Variants in NTRK3 observed in about 807,000 individuals in gnomAD.
NTRK3 encodes the protein neurotrophic receptor tyrosine kinase 3.
In NTRK3, 24 loss-of-function variants were observed where a neutral mutation model predicts 91.7. That is an observed-to-expected ratio of 0.26 (90% CI 0.19 to 0.37). The LOEUF is 0.37. NTRK3 is among the 10% of genes least tolerant of loss of function. The pLI is 1.00. For missense variants in NTRK3, 880 were observed against 1,068.9 expected (o/e 0.82, Z 2.46); for synonymous variants, 483 against 404.0 (o/e 1.20, Z -2.34).
intron 15 of NTRK3, among the ~76,000 whole-genome samples, chr15:87,938,247 T>C (rs1022357720): frequency 6.6e-6 from 1 of 152,216 alleles, no homozygotes; most frequent in Non-Finnish European, 1.5e-5. Context: ...GTTTGTACCA[T>C]AGCAACTGCT....
chr15:88,218,477 T>C (rs927507363), intron 3 of NTRK3, among the ~76,000 whole-genome samples: 1 of 152,200 alleles, frequency 6.6e-6, no homozygotes, highest in African/African-American at 2.4e-5. Flanking sequence ...AATGGGATAA[T>C]AATGCTCATC....
intron 3 of NTRK3, among the ~76,000 whole-genome samples, chr15:88,199,380 A>G (rs1199751892): frequency 6.6e-6 from 1 of 152,156 alleles, no homozygotes; most frequent in East Asian, 1.9e-4. Context: ...GGCAGGGACT[A>G]TGTCTTTTAT....
intron 17 of NTRK3, among the ~76,000 whole-genome samples, chr15:87,889,945 C>CATTT (rs34147113): frequency 0.54 from 75,435 of 139,058 alleles, 21,639 homozygotes; most frequent in East Asian, 0.64. Flanking sequence ...CCCAACTTTC[C>CATTT]ATTTATTTAT....
chr15:88,011,405 C>G (rs2141765716), intron 14 of NTRK3, among the ~76,000 whole-genome samples: 1 of 152,292 alleles, frequency 6.6e-6, no homozygotes, highest in African/African-American at 2.4e-5. Flanking sequence ...ACAAAATATG[C>G]ACATTTCCAT....
chr15:88,207,036 CAGTCAAACTCGG>C (rs2048853402), intron 3 of NTRK3, among the ~76,000 whole-genome samples: 1 of 152,206 alleles, frequency 6.6e-6, no homozygotes, highest in South Asian at 2.1e-4. Flanking sequence ...AGGGAATTCA[CAGTCAAACTCGG>C]AGTCACTGGC....
chr15:87,861,169 C>G (rs983205598), exon 19 of NTRK3: 4 of 222,910 alleles, frequency 1.8e-5, no homozygotes, highest in Non-Finnish European at 3.6e-5. Flanking sequence ...GGGAAACACA[C>G]ATGAACACAT....
At chr15:87,965,648 T>G (rs2072724106) in intron 14 of NTRK3, among the ~76,000 whole-genome samples, 1 of 152,208 alleles carries the variant, frequency 6.6e-6, no homozygotes, top group Non-Finnish European at 1.5e-5. Context: ...GAGTCAGGAT[T>G]TCCAAGGCTT....
chr15:87,894,081 A>G (rs2065981861), intron 17 of NTRK3, among the ~76,000 whole-genome samples: 1 of 152,248 alleles, frequency 6.6e-6, no homozygotes, highest in Admixed American at 6.5e-5. Flanking sequence ...TCTTGATTCC[A>G]TGTCTATTCA....
At chr15:87,992,246 T>A (rs2075344056) in intron 14 of NTRK3, among the ~76,000 whole-genome samples, 1 of 152,176 alleles carries the variant, frequency 6.6e-6, no homozygotes, top group African/African-American at 2.4e-5. Flanking sequence ...TTTGGTCTCA[T>A]CATCTACTCC....
At chr15:88,170,273 A>G (rs1489605360) in intron 5 of NTRK3, among the ~76,000 whole-genome samples, 3 of 152,214 alleles carry the variant, frequency 2.0e-5, no homozygotes, top group Admixed American at 2.0e-4. Flanking sequence ...TGAGGTTGAC[A>G]TAATTTGCAT....
intron 5 of NTRK3, among the ~76,000 whole-genome samples, chr15:88,170,604 A>G (rs576180931): frequency 1.3e-5 from 2 of 152,334 alleles, no homozygotes; most frequent in East Asian, 3.9e-4. Context: ...TCACCTGTGC[A>G]CCATCTAAAG....
chr15:88,167,516 G>A (rs2045091567), intron 5 of NTRK3, among the ~76,000 whole-genome samples: 1 of 152,138 alleles, frequency 6.6e-6, no homozygotes, highest in Non-Finnish European at 1.5e-5. Flanking sequence ...AGTAAAACAG[G>A]GATGATGGTA....
intron 5 of NTRK3, among the ~76,000 whole-genome samples, chr15:88,179,883 T>C (rs553771824): frequency 1.3e-5 from 2 of 152,306 alleles, no homozygotes; most frequent in African/African-American, 4.8e-5. Flanking sequence ...TATTCATCAG[T>C]GTACAATGAA....
intron 13 of NTRK3, among the ~76,000 whole-genome samples, chr15:88,036,841 A>G (rs1177787250): frequency 2.0e-5 from 3 of 152,172 alleles, no homozygotes; most frequent in African/African-American, 7.2e-5. Context: ...TAGGATGTGG[A>G]TGGTTAAAGT....
In NTRK3 at chr15:87,958,278, T is replaced by C. The variant is rs529145812; in HGVS notation, c.1586-17525A>G. On this transcript the variant is annotated intron_variant, in intron 14 of 18. Coordinates refer to ENST00000394480, the Ensembl canonical transcript of NTRK3. ...CAACAAAAGCGAGAACTCTGATGAT[T>C]TCAGGAGAAGAGTAAGATAACTTCA... 1.4e-3 allele frequency among the ~76,000 whole-genome samples: 198 copies of C among 144,656 alleles called. 1 individual carries two copies. Among genetic ancestry groups the C allele is most frequent in the African/African-American group, 5.0e-3 (186 of 37,470 alleles). 94.9% of individuals were successfully genotyped at this position (144,656 alleles called of 152,430 possible).
chr15:87,876,456 G>A (rs569099897), exon 19 of NTRK3: 1 of 228,598 alleles, frequency 4.4e-6, no homozygotes, highest in South Asian at 1.8e-4. Flanking sequence ...CAGCGACTGA[G>A]CACCACCTTA....
At chr15:88,011,878 G>A (rs145604308) in intron 14 of NTRK3, among the ~76,000 whole-genome samples, 3 of 152,322 alleles carry the variant, frequency 2.0e-5, no homozygotes, top group Non-Finnish European at 4.4e-5. Context: ...TGGTAATAGT[G>A]CTGACAGCCA....
chr15:88,043,599 C>T (rs776216576), intron 13 of NTRK3, among the ~76,000 whole-genome samples: 10 of 152,176 alleles, frequency 6.6e-5, no homozygotes, highest in Non-Finnish European at 1.5e-4. Context: ...GATCTGATTT[C>T]AACACCAAAG....
chr15:88,094,632 T>C (rs1455628348), intron 13 of NTRK3, among the ~76,000 whole-genome samples: 2 of 152,058 alleles, frequency 1.3e-5, no homozygotes, highest in Non-Finnish European at 2.9e-5. Flanking sequence ...GGAAGAAGGA[T>C]GACATGTAGA....
Sources: allele counts gnomAD v4.1 joint callset (sites outside exome capture counted in the v4.1 genomes callset), GRCh38; gene constraint gnomAD v4.1.1; transcripts MANE v1.5; gene names NCBI Gene and HGNC (gene_info 2026-07-23, HGNC 2026-07-21).